ERCC8: variants seen among roughly 807,000 people sequenced by gnomAD.
ERCC8 encodes the protein DNA excision repair protein ERCC-8.
A neutral mutation model predicts 54.9 loss-of-function variants in ERCC8; 52 were observed. That is an observed-to-expected ratio of 0.95 (90% confidence interval 0.76 to 1.19). The LOEUF is 1.19. ERCC8 is among the 50% of genes most tolerant of loss of function. ERCC8 has a pLI of 0.00. For synonymous variants in ERCC8, 146 were observed against 157.2 expected (o/e 0.93, Z 0.53); for missense variants, 514 against 466.1 (o/e 1.10, Z -0.95).
chr5:60,925,489 T>TA (rs1749720812), intron 2 of ERCC8, among the ~76,000 whole-genome samples: 1 of 152,214 alleles, frequency 6.6e-6, no homozygotes, highest in Non-Finnish European at 1.5e-5. Flanking sequence ...TATCTACAAT[T>TA]AGAGTATGCC....
intron 3 of ERCC8, chr5:60,919,691 A>C (rs1749546463): frequency 6.6e-6 from 1 of 151,974 alleles, no homozygotes; most frequent in Non-Finnish European, 1.5e-5. Flanking sequence ...AAATTGTATA[A>C]TACTGATATA....
chr5:60,904,685 A>T (rs372977536), intron 5 of ERCC8, 107 bp downstream of exon 5: 110 of 233,812 alleles, frequency 4.7e-4, no homozygotes, highest in Middle Eastern at 1.5e-3. Flanking sequence ...TATATATATA[A>T]AATTGTGATA....
intron 1 of ERCC8, among the ~76,000 whole-genome samples, chr5:60,944,081 C>T (rs1182712202): frequency 1.3e-5 from 2 of 152,220 alleles, no homozygotes; most frequent in Non-Finnish European, 2.9e-5. Context: ...GGAAAACCCT[C>T]TCTCAGAGTA....
At chr5:60,882,391 G>T (rs376657416) in intron 11 of ERCC8, among the ~76,000 whole-genome samples, 2 of 152,014 alleles carry the variant, frequency 1.3e-5, no homozygotes, top group African/African-American at 4.8e-5. Context: ...GTCCAGAAGC[G>T]AAACTATTAT....
intron 11 of ERCC8, among the ~76,000 whole-genome samples, chr5:60,877,793 G>A (rs1279789431): frequency 1.3e-5 from 2 of 152,166 alleles, no homozygotes; most frequent in African/African-American, 4.8e-5. Flanking sequence ...GGGTTTTCTA[G>A]ATATACAGTC....
Position 60,904,872 on chromosome 5 carries a change from G to A in ERCC8, c.401C>T (p.Thr134Ile). 1 of 1,466,478 alleles carries A rather than the reference G, an allele frequency of 6.8e-7. No individual in the cohort carries two copies. Among genetic ancestry groups the A allele is most frequent in the Non-Finnish European group, 9.6e-7 (1 of 1,046,426 alleles). 90.8% of individuals were successfully genotyped at this position (1,466,478 alleles called of 1,614,324 possible). ...TTCCTCAAAATTAAATACATCTGCA[G>A]TCTGGTAATCAAAAGACATTTAAAA... ...LKVWDTNTLQ[T>I]ADVFNFEETV... The change falls in exon 5 of 12, where the codon ACT becomes ATT. Residue 134 changes from threonine to isoleucine, a missense_variant and splice_region_variant. By Grantham distance (89) the Thr-to-Ile change is moderately conservative. Transcript: ENST00000676185.
At chr5:60,913,258 C>T (rs905774455) in intron 4 of ERCC8, among the ~76,000 whole-genome samples, 2 of 152,054 alleles carry the variant, frequency 1.3e-5, no homozygotes, top group African/African-American at 4.8e-5. Flanking sequence ...TAATTATTGC[C>T]TCTATTTCAG....
chr5:60,902,382 G>T, intron 7 of ERCC8, 60 bp downstream of exon 7: 1 of 1,233,962 alleles, frequency 8.1e-7, no homozygotes, highest in South Asian at 1.2e-5. Context: ...CATAAATGTA[G>T]ACTTTTCAAA....
intron 11 of ERCC8, among the ~76,000 whole-genome samples, chr5:60,878,412 T>C (rs1206217401): frequency 2.0e-5 from 3 of 152,192 alleles, no homozygotes; most frequent in East Asian, 1.9e-4. Context: ...GATTCCCTCT[T>C]TTTCTATTGA....
intron 11 of ERCC8, among the ~76,000 whole-genome samples, chr5:60,875,973 T>G (rs1424362486): frequency 6.6e-6 from 1 of 152,168 alleles, no homozygotes; most frequent in Non-Finnish European, 1.5e-5. Context: ...TGTGCCATGT[T>G]GGTGTGCTGC....
At position 60,899,706 on chromosome 5, in the gene ERCC8, T is replaced by G. The variant is rs749238707; in HGVS notation, c.639A>C (p.Leu213Phe). The G allele has an allele frequency of 1.9e-6, 3 of 1,611,812 alleles. No homozygotes were observed. Among genetic ancestry groups the G allele is most frequent in the Non-Finnish European group, 2.5e-6 (3 of 1,178,430 alleles). ...ATCCTGATGCTCTTCTCACATCCCA[T>G]AATTTTACTCTACTGTCAGCACTGA... is the stretch of plus-strand genomic sequence containing the variant. ...ATASADSRVK[L>F]WDVRRASGCL... is the part of the protein sequence containing the mutation. The change falls in exon 8 of 12, where the codon TTA becomes TTC. Residue 213 changes from leucine to phenylalanine, a missense_variant. Transcript: ENST00000676185.
Position 60,922,156 on chromosome 5 carries a change from C to G in ERCC8, c.174-1G>C, listed in dbSNP as rs551105507. ...ACCATCTGAACCACCTGATAACATG[C>G]TGATAATAAAAAAGTTCACATTAAT... On this transcript the variant is annotated splice_acceptor_variant, in intron 2 of 11. Coordinates refer to ENST00000676185, the MANE Select transcript of ERCC8 (RefSeq NM_000082.4). LOFTEE classifies it high-confidence loss of function. The G allele has an allele frequency of 6.3e-7, 1 of 1,582,344 alleles. No homozygotes were observed. The highest frequency in any genetic ancestry group is 2.2e-5 in the East Asian group (1 of 44,580).
intron 11 of ERCC8, among the ~76,000 whole-genome samples, chr5:60,876,804 C>G (rs1748024372): frequency 6.6e-6 from 1 of 152,088 alleles, no homozygotes; most frequent in South Asian, 2.1e-4. Flanking sequence ...GAGTAGATTG[C>G]AAAAATTTTC....
At chr5:60,876,008 C>T (rs1229793047) in intron 11 of ERCC8, among the ~76,000 whole-genome samples, 1 of 151,906 alleles carries the variant, frequency 6.6e-6, no homozygotes, top group Non-Finnish European at 1.5e-5. Flanking sequence ...AGGTATATCT[C>T]CTAATGCTAT....
chr5:60,927,871 T>C (rs1391502812), intron 2 of ERCC8, among the ~76,000 whole-genome samples: 1 of 152,210 alleles, frequency 6.6e-6, no homozygotes, highest in African/African-American at 2.4e-5. Flanking sequence ...TACTAGTAGA[T>C]GAGACCATGG....
At chr5:60,877,491 T>C (rs1748049677) in intron 11 of ERCC8, among the ~76,000 whole-genome samples, 1 of 152,234 alleles carries the variant, frequency 6.6e-6, no homozygotes, top group Non-Finnish European at 1.5e-5. Flanking sequence ...ACAATATTGA[T>C]TCTTCCTACC....
intron 4 of ERCC8, among the ~76,000 whole-genome samples, chr5:60,908,583 A>AT (rs3031040): frequency 0.061 from 8,683 of 141,800 alleles, 547 homozygotes; most frequent in East Asian, 0.35. Context: ...ATATATATAT[A>AT]TTTTTTTTTT....
At position 60,867,769 on chromosome 5, in the gene ERCC8, A is replaced by G. The variant is rs973611319; in HGVS notation, c.*6846T>C. ...CTCCTGCTCCTGGTGGTGTTTTTAC[A>G]GAAGGTGTTGACAAGCTCTCATTTA... On this transcript the variant is annotated 3_prime_UTR_variant, in exon 12 of 12. Coordinates refer to ENST00000676185, the MANE Select transcript of ERCC8 (RefSeq NM_000082.4). 6.7e-6 allele frequency among the ~76,000 whole-genome samples: 1 copy of G among 148,266 alleles called. No homozygotes were observed. The highest frequency in any genetic ancestry group is 2.4e-5 in the African/African-American group (1 of 41,176).
At chr5:60,904,899 G>T in intron 4 of ERCC8, 26 bp from the exon 5 acceptor site, 1 of 1,143,598 alleles carries the variant, frequency 8.7e-7, no homozygotes. Flanking sequence ...CATTTAAAAA[G>T]TATAAGGTTT....
Sources: gnomAD v4.1 joint callset for allele counts (sites outside exome capture counted in the v4.1 genomes callset) on GRCh38, gnomAD v4.1.1 for gene constraint, MANE v1.5 for transcripts, NCBI Gene and HGNC (gene_info 2026-07-23, HGNC 2026-07-21) for gene names.